The following SCAPER variants were observed in gnomAD, a reference collection of about 807,000 sequenced individuals.
The protein encoded by SCAPER is S phase cyclin A-associated protein in the endoplasmic reticulum.
SCAPER carries 98 observed loss-of-function variants against 182.2 expected under a neutral mutation model. The ratio of observed to expected loss-of-function variants is 0.54; its 90% confidence interval spans 0.46 to 0.64. SCAPER has a LOEUF of 0.64. SCAPER is among the 30% of genes least tolerant of loss of function. The pLI, the probability that SCAPER is intolerant of heterozygous loss-of-function variation, is 0.00. For synonymous variants in SCAPER, 605 were observed against 564.6 expected (o/e 1.07, Z -1.01); for missense variants, 1,432 against 1,690.0 (o/e 0.85, Z 2.68).
At chr15:76,550,218 G>T (rs1461567240) in intron 23 of SCAPER, among the ~76,000 whole-genome samples, 1 of 152,058 alleles carries the variant, frequency 6.6e-6, no homozygotes, top group East Asian at 1.9e-4. Context: ...TAAGTTTCAG[G>T]ATACATGTGC....
intron 23 of SCAPER, among the ~76,000 whole-genome samples, chr15:76,572,598 C>T (rs781230334): frequency 6.6e-6 from 1 of 152,176 alleles, no homozygotes; most frequent in African/African-American, 2.4e-5. Flanking sequence ...CACAATTCCA[C>T]CATTGAGGCA....
chr15:76,596,416 A>C (rs1414165903), intron 22 of SCAPER, among the ~76,000 whole-genome samples: 3 of 120,196 alleles, frequency 2.5e-5, no homozygotes. Flanking sequence ...TCCTTTTAAA[A>C]CTACTTCAAA....
intron 25 of SCAPER, among the ~76,000 whole-genome samples, chr15:76,467,041 A>G (rs1185081534): frequency 6.6e-6 from 1 of 151,998 alleles, no homozygotes; most frequent in Non-Finnish European, 1.5e-5. Context: ...CAGTTGTTTA[A>G]AAGTGTGTAG....
chr15:76,598,615 A>C (rs993145047), intron 22 of SCAPER, among the ~76,000 whole-genome samples: 7 of 121,496 alleles, frequency 5.8e-5, no homozygotes, highest in African/African-American at 1.8e-4. Flanking sequence ...GGAATACTAT[A>C]TAGCCATAAA....
At chr15:76,666,974 A>G (rs1414893257) in intron 20 of SCAPER, among the ~76,000 whole-genome samples, 1 of 152,100 alleles carries the variant, frequency 6.6e-6, no homozygotes, top group African/African-American at 2.4e-5. Context: ...TCTTATCTAC[A>G]TCATCAGTTT....
intron 26 of SCAPER, among the ~76,000 whole-genome samples, chr15:76,407,467 C>T (rs1596472785): frequency 6.6e-6 from 1 of 152,202 alleles, no homozygotes; most frequent in South Asian, 2.1e-4. Context: ...CCCAGGTACA[C>T]AAGCCATTTT....
chr15:76,703,007 A>T lies in SCAPER; in HGVS notation c.2248-5T>A, dbSNP rs371771828. On this transcript the variant is annotated splice_region_variant and splice_polypyrimidine_tract_variant and intron_variant, in intron 18 of 31. Transcript: ENST00000563290. ...CCTTCGAATACTTTCATCATGCTGTAGATGAAGTCAAAGTGCAAGAATTTC... is the reference window on the plus strand; with the variant it reads ...CCTTCGAATACTTTCATCATGCTGTTGATGAAGTCAAAGTGCAAGAATTTC... The T allele has an allele frequency of 6.5e-7, 1 of 1,533,866 alleles. No individual in the cohort carries two copies. Among genetic ancestry groups the T allele is most frequent in the Non-Finnish European group, 8.7e-7 (1 of 1,145,820 alleles).
chr15:76,638,607 A>T (rs1406858921), intron 21 of SCAPER, among the ~76,000 whole-genome samples: 1 of 152,224 alleles, frequency 6.6e-6, no homozygotes, highest in African/African-American at 2.4e-5. Context: ...GAGAAAATTA[A>T]AATTTTTCTT....
chr15:76,706,799 C>G (rs2059285565), intron 17 of SCAPER, among the ~76,000 whole-genome samples: 1 of 151,612 alleles, frequency 6.6e-6, no homozygotes, highest in Non-Finnish European at 1.5e-5. Flanking sequence ...CTCATGTATC[C>G]CAGAATTTAA....
chr15:76,842,257 T>C (rs188280704), intron 4 of SCAPER, among the ~76,000 whole-genome samples: 3 of 152,300 alleles, frequency 2.0e-5, no homozygotes, highest in East Asian at 1.9e-4. Flanking sequence ...CCATGGGAGA[T>C]TGATATGGTT....
At chr15:76,392,565 G>C (rs1369577306) in intron 27 of SCAPER, among the ~76,000 whole-genome samples, 1 of 55,374 alleles carries the variant, frequency 1.8e-5, no homozygotes, top group African/African-American at 3.8e-5. Flanking sequence ...GGGAGAGCTC[G>C]TCTACACACA....
At chr15:76,487,622 G>A (rs2051787282) in intron 24 of SCAPER, among the ~76,000 whole-genome samples, 1 of 152,042 alleles carries the variant, frequency 6.6e-6, no homozygotes, top group African/African-American at 2.4e-5. Flanking sequence ...GAGAGGATGG[G>A]AAGAGGAAAT....
intron 25 of SCAPER, among the ~76,000 whole-genome samples, chr15:76,448,894 G>C (rs1321330996): frequency 1.3e-5 from 2 of 152,214 alleles, no homozygotes; most frequent in South Asian, 4.1e-4. Context: ...GACAGGAAAG[G>C]GTGATAAGTA....
intron 4 of SCAPER, among the ~76,000 whole-genome samples, chr15:76,844,746 T>G (rs2069869602): frequency 6.6e-6 from 1 of 151,866 alleles, no homozygotes; most frequent in Admixed American, 6.6e-5. Flanking sequence ...AAAGAAAAGC[T>G]CAGGCCCTGA....
At chr15:76,405,073 A>G (rs1418488593) in intron 26 of SCAPER, among the ~76,000 whole-genome samples, 1 of 151,678 alleles carries the variant, frequency 6.6e-6, no homozygotes, top group Non-Finnish European at 1.5e-5. Context: ...GATACAGTAC[A>G]ATGATTCAAC....
At chr15:76,666,720 C>T (rs970693830) in intron 20 of SCAPER, among the ~76,000 whole-genome samples, 5 of 152,176 alleles carry the variant, frequency 3.3e-5, no homozygotes, top group Admixed American at 1.3e-4. Context: ...CTCCAATATC[C>T]GTCATCTCCT....
chr15:76,357,507 G>C (rs1319836464), intron 29 of SCAPER, among the ~76,000 whole-genome samples: 1 of 152,200 alleles, frequency 6.6e-6, no homozygotes. Flanking sequence ...TACGCTGTTG[G>C]TGGGAATGTA....
intron 15 of SCAPER, among the ~76,000 whole-genome samples, chr15:76,748,308 T>G (rs539828555): frequency 3.3e-5 from 5 of 152,176 alleles, no homozygotes; most frequent in African/African-American, 1.2e-4. Context: ...GATATTCTTA[T>G]GCAAAAGAAT....
At chr15:76,471,667 A>G (rs1416057758) in intron 24 of SCAPER, among the ~76,000 whole-genome samples, 1 of 152,204 alleles carries the variant, frequency 6.6e-6, no homozygotes, top group Non-Finnish European at 1.5e-5. Flanking sequence ...TCTTGAAATA[A>G]TACCCAGAAA....
Sources: gnomAD v4.1 joint callset for allele counts (sites outside exome capture counted in the v4.1 genomes callset) on GRCh38, gnomAD v4.1.1 for gene constraint, MANE v1.5 for transcripts, NCBI Gene and HGNC (gene_info 2026-07-23, HGNC 2026-07-21) for gene names.